C12orf42: variants seen among roughly 807,000 people sequenced by gnomAD.
C12orf42 encodes the protein uncharacterized protein C12orf42.
In C12orf42, 25 loss-of-function variants were observed where a neutral mutation model predicts 21.6. That is an observed-to-expected ratio of 1.16 (90% CI 0.84 to 1.62). The LOEUF is 1.62. Ranked by LOEUF, C12orf42 falls within the 40% of genes most tolerant of loss-of-function variation. The probability of loss-of-function intolerance (pLI) is 0.00; values close to 1 mark genes in which losing one functional copy is unlikely to be tolerated. For missense variants in C12orf42, 483 were observed against 459.3 expected (o/e 1.05, Z -0.47); for synonymous variants, 174 against 175.0 (o/e 0.99, Z 0.05).
chr12:103,116,528 T>C, the C12orf42 span, among the ~76,000 whole-genome samples: 1 of 152,012 alleles, frequency 6.6e-6, no homozygotes, highest in African/African-American at 2.4e-5. Flanking sequence ...CTCCCTGCCA[T>C]GTTTCCCAAA....
At chr12:103,420,755 G>A (rs575334561) in intron 2 of C12orf42, among the ~76,000 whole-genome samples, 38 of 152,196 alleles carry the variant, frequency 2.5e-4, no homozygotes, top group Non-Finnish European at 5.3e-4. Context: ...TCCTGACCTC[G>A]TGATCTGCCC....
the C12orf42 span, among the ~76,000 whole-genome samples, chr12:103,059,522 G>A: frequency 1.3e-5 from 2 of 151,948 alleles, no homozygotes; most frequent in East Asian, 1.9e-4. Flanking sequence ...GGCACACAAC[G>A]AAAAAAGAAA....
At chr12:103,144,260 G>A in the C12orf42 span, among the ~76,000 whole-genome samples, 4 of 151,784 alleles carry the variant, frequency 2.6e-5, no homozygotes, top group African/African-American at 7.3e-5. Context: ...AAGAGGAGAC[G>A]AGGAGAAAAA....
At chr12:103,371,192 G>A (rs981772929) in intron 3 of C12orf42, among the ~76,000 whole-genome samples, 2 of 151,966 alleles carry the variant, frequency 1.3e-5, no homozygotes, top group Non-Finnish European at 1.5e-5. Context: ...CACTTCATAC[G>A]GCCTATCACT....
the C12orf42 span, among the ~76,000 whole-genome samples, chr12:103,104,064 A>G: frequency 3.9e-5 from 6 of 152,214 alleles, no homozygotes; most frequent in Non-Finnish European, 7.3e-5. Flanking sequence ...AGTAGTTATG[A>G]ATAAATGCAT....
chr12:103,150,340 G>A, the C12orf42 span, among the ~76,000 whole-genome samples: 5 of 152,174 alleles, frequency 3.3e-5, no homozygotes, highest in African/African-American at 7.2e-5. Context: ...AAGTGTCAAC[G>A]ATGCTATAAA....
chr12:103,551,096 TAG>T, the C12orf42 span, among the ~76,000 whole-genome samples: 2 of 152,166 alleles, frequency 1.3e-5, no homozygotes, highest in African/African-American at 4.8e-5. Context: ...TTAGCTGTTA[TAG>T]CTTCACTTTT....
intron 2 of C12orf42, among the ~76,000 whole-genome samples, chr12:103,415,485 C>T (rs980710846): frequency 6.6e-6 from 1 of 152,174 alleles, no homozygotes; most frequent in Admixed American, 6.5e-5. Context: ...ATATTCTTCT[C>T]ATCTGCACAC....
chr12:103,144,875 G>T, the C12orf42 span, among the ~76,000 whole-genome samples: 1 of 152,130 alleles, frequency 6.6e-6, no homozygotes, highest in Non-Finnish European at 1.5e-5. Context: ...TGGAAACTCT[G>T]GAGGGCTAAA....
chr12:103,460,762 T>C (rs1952646581), intron 2 of C12orf42, among the ~76,000 whole-genome samples: 1 of 152,184 alleles, frequency 6.6e-6, no homozygotes, highest in Non-Finnish European at 1.5e-5. Flanking sequence ...ATCTGTAAGT[T>C]GGGAACTAAA....
At chr12:103,218,527 G>A in the C12orf42 span, among the ~76,000 whole-genome samples, 2 of 151,810 alleles carry the variant, frequency 1.3e-5, no homozygotes, top group Non-Finnish European at 1.5e-5. Flanking sequence ...CTGCAAAACC[G>A]AAGTATTCTG....
chr12:103,513,366 G>T, the C12orf42 span, among the ~76,000 whole-genome samples: 2 of 152,130 alleles, frequency 1.3e-5, no homozygotes, highest in Admixed American at 6.5e-5. Flanking sequence ...AAGAAAAAAA[G>T]AAAAACATTC....
intron 3 of C12orf42, among the ~76,000 whole-genome samples, chr12:103,400,945 T>C (rs1194590593): frequency 6.6e-6 from 1 of 152,168 alleles, no homozygotes; most frequent in Non-Finnish European, 1.5e-5. Context: ...AGGATGTAAA[T>C]TTCAGTGTTG....
chr12:103,384,537 T>C (rs2046446887), intron 3 of C12orf42, among the ~76,000 whole-genome samples: 1 of 152,230 alleles, frequency 6.6e-6, no homozygotes, highest in Non-Finnish European at 1.5e-5. Flanking sequence ...ACATGTAAAA[T>C]ACACAGCAGT....
chr12:103,390,764 G>A (rs533055906), intron 3 of C12orf42, among the ~76,000 whole-genome samples: 44 of 152,260 alleles, frequency 2.9e-4, no homozygotes, highest in African/African-American at 5.8e-4. Context: ...ATGTCCAAGC[G>A]CAAGAGATGA....
the C12orf42 span, among the ~76,000 whole-genome samples, chr12:103,513,801 T>A: frequency 6.6e-6 from 1 of 152,040 alleles, no homozygotes; most frequent in Non-Finnish European, 1.5e-5. Flanking sequence ...ACACAGCCAT[T>A]AATAAGAGCC....
the C12orf42 span, among the ~76,000 whole-genome samples, chr12:103,501,740 C>G: frequency 6.6e-6 from 1 of 151,802 alleles, no homozygotes; most frequent in Non-Finnish European, 1.5e-5. Flanking sequence ...CAAAGGAGAC[C>G]TTTTCCTAAT....
intron 4 of C12orf42, among the ~76,000 whole-genome samples, chr12:103,279,117 A>G (rs2035949732): frequency 6.6e-6 from 1 of 152,228 alleles, no homozygotes. Flanking sequence ...ATGATGCAAG[A>G]TAAAATAAGA....
At chr12:103,334,966 G>C (rs1236787418) in intron 4 of C12orf42, among the ~76,000 whole-genome samples, 1 of 151,814 alleles carries the variant, frequency 6.6e-6, no homozygotes, top group Non-Finnish European at 1.5e-5. Flanking sequence ...CCTCTCCTTT[G>C]CTTTGCCCCC....
Sources: gnomAD v4.1 joint callset for allele counts (sites outside exome capture counted in the v4.1 genomes callset) on GRCh38, gnomAD v4.1.1 for gene constraint, MANE v1.5 for transcripts, NCBI Gene and HGNC (gene_info 2026-07-23, HGNC 2026-07-21) for gene names.